CCDC192: variants seen among roughly 807,000 people sequenced by gnomAD.
CCDC192 encodes the protein coiled-coil domain containing 192.
intron 3 of CCDC192, among the ~76,000 whole-genome samples, chr5:127,769,307 C>T (rs915809787): frequency 2.0e-5 from 3 of 151,906 alleles, no homozygotes; most frequent in African/African-American, 4.8e-5. Flanking sequence ...GAAGGAAGTC[C>T]GGGGAAGGAA....
intron 2 of CCDC192, among the ~76,000 whole-genome samples, chr5:127,740,547 G>A (rs1024436930): frequency 4.0e-5 from 6 of 151,894 alleles, no homozygotes; most frequent in Non-Finnish European, 5.9e-5. Context: ...TTCCTTGCTA[G>A]GTTTTGGAAA....
intron 3 of CCDC192, among the ~76,000 whole-genome samples, chr5:127,775,145 C>T: frequency 6.6e-6 from 1 of 152,172 alleles, no homozygotes; most frequent in East Asian, 1.9e-4. Context: ...CTACCCCTCC[C>T]TCCCAGGGCT....
intron 6 of CCDC192, among the ~76,000 whole-genome samples, chr5:127,907,389 T>C (rs1753227209): frequency 6.6e-6 from 1 of 152,180 alleles, no homozygotes. Flanking sequence ...TCTCAAGTAA[T>C]TTACATTGAA....
intron 2 of CCDC192, among the ~76,000 whole-genome samples, chr5:127,738,862 C>T (rs1387284353): frequency 1.3e-5 from 2 of 151,954 alleles, no homozygotes; most frequent in African/African-American, 4.8e-5. Context: ...AACTTCTTTG[C>T]CTTTGGTTTG....
intron 5 of CCDC192, among the ~76,000 whole-genome samples, chr5:127,798,517 T>TA (rs1757301959): frequency 6.6e-6 from 1 of 152,128 alleles, no homozygotes; most frequent in African/African-American, 2.4e-5. Flanking sequence ...GATAAAGGTC[T>TA]AGAGCAGTTC....
At chr5:127,705,635 T>G (rs1750917071) in intron 1 of CCDC192, among the ~76,000 whole-genome samples, 1 of 152,140 alleles carries the variant, frequency 6.6e-6, no homozygotes, top group Admixed American at 6.5e-5. Context: ...GAAATACTTC[T>G]GACTGGTAGG....
intron 2 of CCDC192, among the ~76,000 whole-genome samples, chr5:127,731,855 C>T (rs907606042): frequency 2.0e-5 from 3 of 152,090 alleles, no homozygotes; most frequent in Admixed American, 2.0e-4. Flanking sequence ...CAAAAATTAG[C>T]TCAAGATGGA....
Position 127,707,715 on chromosome 5 carries a change from G to T in CCDC192, c.69G>T (p.Thr23=). 2.5e-6 allele frequency: 1 copy of T among 398,360 alleles called. No individual in the cohort carries two copies. The highest frequency in any genetic ancestry group is 4.4e-6 in the Non-Finnish European group (1 of 225,784). The allele number at this position is 398,360 out of a possible 1,614,324, so 24.7% of individuals were successfully genotyped here. A position where few individuals can be genotyped will look rare whatever the true frequency, so the allele number is the denominator to read the frequency against. ...ESDTSERSSM[T]SGSSESDIPQ... Reference sequence around the variant, plus strand: ...AATGTTTACTTTTTTTCAGCATGACGTCTGGAAGTTCAGAGTCAGATATAC... The same window carrying T: ...AATGTTTACTTTTTTTCAGCATGACTTCTGGAAGTTCAGAGTCAGATATAC... The change falls in exon 2 of 7, where the codon ACG becomes ACT. Residue 23 remains threonine, a synonymous_variant. Coordinates refer to ENST00000514853, the MANE Select transcript of CCDC192 (RefSeq NM_001317938.2).
intron 5 of CCDC192, among the ~76,000 whole-genome samples, chr5:127,809,743 CAAGT>C (rs1412142738): frequency 2.6e-5 from 4 of 152,018 alleles, no homozygotes; most frequent in African/African-American, 9.7e-5. Context: ...AGTCGAAGGC[CAAGT>C]AAGTAATGTA....
chr5:127,723,178 G>A (rs1324121108), intron 2 of CCDC192, among the ~76,000 whole-genome samples: 1 of 151,830 alleles, frequency 6.6e-6, no homozygotes, highest in Non-Finnish European at 1.5e-5. Context: ...TCATTTATTT[G>A]GCTAAGTTTA....
chr5:127,792,716 C>T (rs941179186), intron 3 of CCDC192, among the ~76,000 whole-genome samples: 1 of 143,546 alleles, frequency 7.0e-6, no homozygotes, highest in Non-Finnish European at 1.5e-5. Flanking sequence ...AAAAAAGAGG[C>T]AGAAGCAGAA....
At chr5:127,849,405 G>A (rs78308504) in intron 5 of CCDC192, among the ~76,000 whole-genome samples, 5 of 152,072 alleles carry the variant, frequency 3.3e-5, no homozygotes, top group Non-Finnish European at 7.4e-5. Flanking sequence ...TCTGATCTAG[G>A]ATGATCTCCA....
intron 6 of CCDC192, among the ~76,000 whole-genome samples, chr5:127,919,252 C>A (rs1271190529): frequency 6.6e-6 from 1 of 152,070 alleles, no homozygotes. Flanking sequence ...CCATGACTAT[C>A]TCTGACAATA....
intron 3 of CCDC192, chr5:127,785,503 C>T: frequency 5.2e-6 from 1 of 190,484 alleles, no homozygotes. Context: ...TTGTCACTCA[C>T]TGCCTTCCCT....
intron 2 of CCDC192, among the ~76,000 whole-genome samples, chr5:127,719,524 T>TATATACAC (rs1561444898): frequency 1.1e-5 from 1 of 88,242 alleles, no homozygotes; most frequent in East Asian, 3.2e-4. Context: ...TATATATATA[T>TATATACAC]ACACACATAC....
At chr5:127,797,773 A>ATT (rs1757258634) in intron 4 of CCDC192, among the ~76,000 whole-genome samples, 17 of 60,362 alleles carry the variant, frequency 2.8e-4, no homozygotes, top group Non-Finnish European at 4.6e-4. Context: ...ATATATATAT[A>ATT]TATATTTATT....
At chr5:127,824,917 G>A (rs1235390557) in intron 5 of CCDC192, among the ~76,000 whole-genome samples, 1 of 152,204 alleles carries the variant, frequency 6.6e-6, no homozygotes, top group Non-Finnish European at 1.5e-5. Flanking sequence ...GAGAAGCAAT[G>A]AAAGGGATTA....
intron 5 of CCDC192, among the ~76,000 whole-genome samples, chr5:127,848,200 G>A (rs1177846029): frequency 1.3e-5 from 2 of 152,180 alleles, no homozygotes; most frequent in East Asian, 1.9e-4. Context: ...AAGCATTTCT[G>A]TGTCCTCCTG....
At chr5:127,703,273 A>T, upstream of CCDC192, 4 of 390,238 alleles carry the variant, frequency 1.0e-5, no homozygotes, top group Non-Finnish European at 1.8e-5. Context: ...AGGTTACTGC[A>T]GCTTTGTAAC....
Sources: gnomAD v4.1 joint callset for allele counts (sites outside exome capture counted in the v4.1 genomes callset) on GRCh38, gnomAD v4.1.1 for gene constraint, MANE v1.5 for transcripts, NCBI Gene and HGNC (gene_info 2026-07-23, HGNC 2026-07-21) for gene names.